Variants in CAMK2D observed in about 807,000 individuals in gnomAD.
The protein encoded by CAMK2D is calcium/calmodulin-dependent protein kinase type II subunit delta.
In CAMK2D, 37 loss-of-function variants were observed where a neutral mutation model predicts 84.0. The ratio of observed to expected loss-of-function variants is 0.44; its 90% confidence interval spans 0.34 to 0.58. CAMK2D has a LOEUF of 0.58. CAMK2D is among the 20% of genes least tolerant of loss of function. The pLI, the probability that CAMK2D is intolerant of heterozygous loss-of-function variation, is 0.02. For synonymous variants in CAMK2D, 202 were observed against 212.5 expected (o/e 0.95, Z 0.43); for missense variants, 448 against 652.5 (o/e 0.69, Z 3.41).
chr4:113,487,404 A>G (rs1192531691), intron 16 of CAMK2D, among the ~76,000 whole-genome samples: 1 of 152,034 alleles, frequency 6.6e-6, no homozygotes, highest in East Asian at 1.9e-4. Flanking sequence ...AAATAATACA[A>G]ACTCAGCAAA....
intron 3 of CAMK2D, among the ~76,000 whole-genome samples, chr4:113,614,662 T>C (rs1200867036): frequency 6.6e-6 from 1 of 152,146 alleles, no homozygotes; most frequent in Admixed American, 6.6e-5. Flanking sequence ...AGCACCCAAC[T>C]GACTGAATCC....
intron 4 of CAMK2D, among the ~76,000 whole-genome samples, chr4:113,588,185 T>C (rs1424836391): frequency 2.0e-5 from 3 of 151,936 alleles, no homozygotes; most frequent in Non-Finnish European, 4.4e-5. Flanking sequence ...AGAAAGAAAA[T>C]GACAGGAAAG....
chr4:113,477,736 ACT>A lies in CAMK2D; in HGVS notation c.1136-12134_1136-12133del, dbSNP rs561021174. 2.2e-3 allele frequency among the ~76,000 whole-genome samples: 251 copies of A among 113,402 alleles called. No individual in the cohort carries two copies. In the East Asian group the frequency reaches 0.038, roughly 17 times the overall value. 74.4% of individuals were successfully genotyped at this position (113,402 alleles called of 152,430 possible). On this transcript the variant is annotated intron_variant, in intron 16 of 20. Coordinates refer to ENST00000511664, the MANE Select transcript of CAMK2D (RefSeq NM_001321571.2). ...ACTCCAGCCTGGGCAACAGAGTGAG[ACT>A]CTGTCTCAAAAAAAAAAAAAAAAGA...
rs552853810 is a variant in CAMK2D, at chr4:113,495,012, G to A, written c.1135+5451C>T. 1.6e-4 allele frequency among the ~76,000 whole-genome samples: 24 copies of A among 152,212 alleles called. No individual in the cohort carries two copies. The East Asian group carries it at 3.7e-3, about 23-fold the overall frequency. On this transcript the variant is annotated intron_variant, in intron 16 of 20. Transcript: ENST00000511664. ...CCCTGCTTCGGCTCACGCACGGTGCGCGCACCCACTGACCTGCGCCCACTG... is the reference window on the plus strand; with the variant it reads ...CCCTGCTTCGGCTCACGCACGGTGCACGCACCCACTGACCTGCGCCCACTG...
At chr4:113,598,172 C>G (rs1464879280) in intron 4 of CAMK2D, among the ~76,000 whole-genome samples, 1 of 152,060 alleles carries the variant, frequency 6.6e-6, no homozygotes, top group Non-Finnish European at 1.5e-5. Flanking sequence ...GTGCTATTGG[C>G]AAAAGAACAA....
intron 2 of CAMK2D, among the ~76,000 whole-genome samples, chr4:113,710,867 A>T (rs1394039820): frequency 1.3e-5 from 2 of 152,184 alleles, no homozygotes; most frequent in East Asian, 3.8e-4. Context: ...TCAAGTATCT[A>T]TCAAGTACAC....
intron 4 of CAMK2D, among the ~76,000 whole-genome samples, chr4:113,585,292 A>T (rs1473274089): frequency 6.6e-6 from 1 of 152,214 alleles, no homozygotes. Context: ...TCATATAATC[A>T]ACGTGAGGAA....
intron 2 of CAMK2D, among the ~76,000 whole-genome samples, chr4:113,707,582 A>C (rs767469799): frequency 1.3e-5 from 2 of 152,218 alleles, no homozygotes; most frequent in Non-Finnish European, 2.9e-5. Context: ...GCTCAAGTAC[A>C]GGAGTGAGAA....
chr4:113,617,134 T>C (rs113254413), intron 3 of CAMK2D, among the ~76,000 whole-genome samples: 1 of 152,120 alleles, frequency 6.6e-6, no homozygotes, highest in Non-Finnish European at 1.5e-5. Flanking sequence ...GTATTGCAAG[T>C]TAGTCAGTGA....
At chr4:113,480,427 T>C (rs2097687574) in intron 16 of CAMK2D, among the ~76,000 whole-genome samples, 1 of 152,144 alleles carries the variant, frequency 6.6e-6, no homozygotes, top group Admixed American at 6.5e-5. Context: ...TATGACTTAA[T>C]GCTATGATAT....
At chr4:113,563,236 A>G (rs2098706991) in intron 4 of CAMK2D, among the ~76,000 whole-genome samples, 1 of 152,172 alleles carries the variant, frequency 6.6e-6, no homozygotes. Context: ...CCTGAATGAC[A>G]AAAGCAAAAC....
intron 4 of CAMK2D, among the ~76,000 whole-genome samples, chr4:113,589,924 G>A (rs1186170368): frequency 5.9e-5 from 9 of 152,192 alleles, no homozygotes; most frequent in East Asian, 1.9e-4. Context: ...GGAAGAACCC[G>A]CAAAGAAGAT....
intron 16 of CAMK2D, among the ~76,000 whole-genome samples, chr4:113,477,452 TG>T (rs1474895178): frequency 6.6e-6 from 1 of 152,128 alleles, no homozygotes; most frequent in Non-Finnish European, 1.5e-5. Context: ...GTTGAAATAT[TG>T]GGGCCCAGTT....
chr4:113,490,439 G>T (rs2097822828), intron 16 of CAMK2D, among the ~76,000 whole-genome samples: 1 of 105,464 alleles, frequency 9.5e-6, no homozygotes, highest in Admixed American at 9.3e-5. Context: ...GTTTGTCAAA[G>T]ATCAGATAGT....
rs114171134 is a variant in CAMK2D at position 113,587,611 on chromosome 4, T to C, written c.275+21541A>G. On this transcript the variant is annotated intron_variant, in intron 4 of 20. Coordinates refer to ENST00000511664, the MANE Select transcript of CAMK2D (RefSeq NM_001321571.2). ...GAGGTTGCTTTGAGAAATAGTTTCATTGAGAAATAGTTAATATTGAAACAC... is the reference window on the plus strand; with the variant it reads ...GAGGTTGCTTTGAGAAATAGTTTCACTGAGAAATAGTTAATATTGAAACAC... Among the ~76,000 whole-genome samples the C allele has an allele frequency of 3.6e-3, 543 of 152,256 alleles. 3 individuals carry two copies. The highest frequency in any genetic ancestry group is 0.012 in the African/African-American group (504 of 41,570).
chr4:113,507,183 C>T (rs74643960), intron 13 of CAMK2D, among the ~76,000 whole-genome samples: 3,718 of 151,576 alleles, frequency 0.025, 128 homozygotes, highest in African/African-American at 0.085. Context: ...AGGATAATTT[C>T]TAAGCAAAAG....
intron 2 of CAMK2D, among the ~76,000 whole-genome samples, chr4:113,676,362 G>C (rs1158432147): frequency 6.6e-6 from 1 of 152,070 alleles, no homozygotes; most frequent in Non-Finnish European, 1.5e-5. Flanking sequence ...AATCACAGTT[G>C]CTGGCCATAA....
intron 4 of CAMK2D, among the ~76,000 whole-genome samples, chr4:113,581,794 G>A (rs2098811596): frequency 6.6e-6 from 1 of 152,042 alleles, no homozygotes; most frequent in African/African-American, 2.4e-5. Flanking sequence ...AAATGTCATT[G>A]GGTAATTTTC....
At chr4:113,696,957 G>A (rs918844001) in intron 2 of CAMK2D, among the ~76,000 whole-genome samples, 2 of 152,082 alleles carry the variant, frequency 1.3e-5, no homozygotes, top group African/African-American at 2.4e-5. Context: ...ACGTTTTGAG[G>A]TAGTATGAAA....
Sources: gnomAD v4.1 joint callset for allele counts (sites outside exome capture counted in the v4.1 genomes callset) on GRCh38, gnomAD v4.1.1 for gene constraint, MANE v1.5 for transcripts, NCBI Gene and HGNC (gene_info 2026-07-23, HGNC 2026-07-21) for gene names.